CASZ1: variants seen among roughly 807,000 people sequenced by gnomAD.
CASZ1 encodes the protein castor zinc finger 1.
CASZ1 carries 28 observed loss-of-function variants against 135.2 expected under a neutral mutation model. That is an observed-to-expected ratio of 0.21 (90% CI 0.15 to 0.28). CASZ1 has a LOEUF of 0.28. Ranked by LOEUF, CASZ1 falls within the 10% of genes least tolerant of loss-of-function variation. The pLI is 1.00. For missense variants in CASZ1, 2,161 were observed against 2,453.3 expected (o/e 0.88, Z 2.52); for synonymous variants, 1,068 against 1,073.4 (o/e 0.99, Z 0.10).
chr1:10,789,532 C>G (rs887038816), intron 1 of CASZ1, among the ~76,000 whole-genome samples: 1 of 151,964 alleles, frequency 6.6e-6, no homozygotes, highest in East Asian at 1.9e-4. Context: ...CTGTCTCTCT[C>G]TCTCTCTCTC....
intron 4 of CASZ1, among the ~76,000 whole-genome samples, chr1:10,681,209 T>C (rs1464939854): frequency 6.6e-6 from 1 of 152,090 alleles, no homozygotes; most frequent in African/African-American, 2.4e-5. Flanking sequence ...CCTTTTTTTT[T>C]TTTTCCTTGA....
intron 2 of CASZ1, among the ~76,000 whole-genome samples, chr1:10,745,593 A>C (rs1331510382): frequency 6.6e-6 from 1 of 152,124 alleles, no homozygotes; most frequent in Non-Finnish European, 1.5e-5. Flanking sequence ...TGAAATTCTG[A>C]ATCAATTTAG....
chr1:10,690,537 G>A (rs534198259), intron 4 of CASZ1, among the ~76,000 whole-genome samples: 1 of 152,324 alleles, frequency 6.6e-6, no homozygotes, highest in East Asian at 1.9e-4. Context: ...CTGCGATGGG[G>A]GATCTGCTGG....
At chr1:10,792,383 T>TG (rs1180970816) in intron 1 of CASZ1, among the ~76,000 whole-genome samples, 16 of 84,966 alleles carry the variant, frequency 1.9e-4, no homozygotes, top group South Asian at 8.9e-4. Context: ...GGGGTGGGGT[T>TG]GGGGGGGGTG....
rs1047954181 is a variant in CASZ1, at chr1:10,774,934, G to A, written c.-233-14077C>T. On this transcript the variant is annotated intron_variant, in intron 1 of 20. Transcript: ENST00000377022. The surrounding 1 kb of genome is among the most constrained non-coding windows in gnomAD (Gnocchi z 4.4). ...CCTCCAGTCTCTCTACTCTGGCCCT[G>A]CCAGAATCAACAGTTTAAATCTCTG... 2.6e-5 allele frequency among the ~76,000 whole-genome samples: 4 copies of A among 151,930 alleles called. No homozygotes were observed. Among genetic ancestry groups the A allele is most frequent in the African/African-American group, 9.7e-5 (4 of 41,332 alleles).
chr1:10,654,032 G>T lies in CASZ1; in HGVS notation c.2025C>A (p.Cys675Ter), dbSNP rs369473375. ...GGCTGGTGGAGGTGAAGGTGAAGCC[G>T]CAGCCGGCGCGGATGCAGTGGAAGT... ...TNHFHCIRAG[C>*]GFTFTSTSQM... Residue 675 changes from cysteine to a stop codon, truncating the protein, a stop_gained, in exon 11 of 21, where the codon TGC becomes TGA. Coordinates refer to ENST00000377022, the MANE Select transcript of CASZ1 (RefSeq NM_001079843.3). LOFTEE classifies it high-confidence loss of function. 1.2e-6 allele frequency: 2 copies of T among 1,614,230 alleles called. No individual in the cohort carries two copies. The highest frequency in any genetic ancestry group is 1.3e-5 in the African/African-American group (1 of 75,068).
In CASZ1 at chr1:10,676,584, C is replaced by T. The variant is rs1346582270; in HGVS notation, c.17-11013G>A. Among the ~76,000 whole-genome samples the T allele has an allele frequency of 2.0e-5, 3 of 152,154 alleles. No individual in the cohort carries two copies. Among genetic ancestry groups the T allele is most frequent in the Admixed American group, 6.5e-5 (1 of 15,286 alleles). On this transcript the variant is annotated intron_variant, in intron 4 of 20. Transcript: ENST00000377022. This position sits in a 1 kb window ranked among gnomAD's most constrained non-coding sequence, Gnocchi z 4.5. ...TGCCTCTCCATCTCTCTCTGTGCCTCGGTGGACCAACCTGCCTAGGGGTGC... is the reference window on the plus strand; with the variant it reads ...TGCCTCTCCATCTCTCTCTGTGCCTTGGTGGACCAACCTGCCTAGGGGTGC...
rs1017403433 is a variant in CASZ1, at chr1:10,763,224, G to A, written c.-233-2367C>T. On this transcript the variant is annotated intron_variant, in intron 1 of 20. Coordinates refer to ENST00000377022, the MANE Select transcript of CASZ1 (RefSeq NM_001079843.3). The stretch of plus-strand genomic sequence containing the variant: ...TCAGAAAGTGCAGAGCGCAGAGGCC[G>A]GGTCTCTGTGACCAGCGGCTCCATG... Among the ~76,000 whole-genome samples, 6 of 152,344 alleles carry A rather than the reference G, an allele frequency of 3.9e-5. No individual in the cohort carries two copies. In the East Asian group the frequency reaches 5.8e-4, roughly 15 times the overall value.
In CASZ1 at chr1:10,777,741, A is replaced by G. The variant is rs563805907; in HGVS notation, c.-233-16884T>C. Reference sequence around the variant, plus strand: ...ACACAAAACCACATACCACGTTACAATCACACACAATCCCATACACACCCA... The same window carrying G: ...ACACAAAACCACATACCACGTTACAGTCACACACAATCCCATACACACCCA... On this transcript the variant is annotated intron_variant, in intron 1 of 20. Coordinates refer to ENST00000377022, the MANE Select transcript of CASZ1 (RefSeq NM_001079843.3). This position sits in a 1 kb window ranked among gnomAD's most constrained non-coding sequence, Gnocchi z 4.4. Among the ~76,000 whole-genome samples the G allele has an allele frequency of 6.0e-5, 9 of 151,238 alleles. No individual in the cohort carries two copies. The highest frequency in any genetic ancestry group is 1.7e-4 in the African/African-American group (7 of 41,178).
At chr1:10,760,090 G>A (rs1021608273) in intron 2 of CASZ1, among the ~76,000 whole-genome samples, 15 of 152,184 alleles carry the variant, frequency 9.9e-5, no homozygotes, top group Admixed American at 9.8e-4. Flanking sequence ...CTTACGCAAA[G>A]GGCTATTTCC....
At chr1:10,687,540 G>A (rs972365835) in intron 4 of CASZ1, among the ~76,000 whole-genome samples, 1 of 152,250 alleles carries the variant, frequency 6.6e-6, no homozygotes, top group Admixed American at 6.5e-5. Flanking sequence ...CCCTCAGTAT[G>A]GGTGTATCCC....
rs1204605389 is a variant in CASZ1 at position 10,639,143 on chromosome 1, C to G, written c.5079G>C (p.Glu1693Asp). Reference protein sequence around the residue: ...ELPEEEAEDDEDEDDDEDDDD... With the variant: ...ELPEEEAEDDDDEDDDEDDDD... ...CGTCGTCCTCGTCGTCGTCCTCGTC[C>G]TCGTCGTCTTCGGCCTCCTCCTCCG... The change falls in exon 21 of 21, where the codon GAG (glutamate) becomes GAC (aspartate). Residue 1693 changes from glutamate (E) to aspartate (D), a missense_variant. Physicochemically the swap from Glu to Asp is conservative, Grantham distance 45 (BLOSUM62 2). This residue lies in a region of CASZ1 where 185 missense variants were observed against 134.7 expected (regional missense o/e 1.37). Transcript: ENST00000377022. This position sits in a 1 kb window ranked among gnomAD's most constrained non-coding sequence, Gnocchi z 4.0. 3.1e-5 allele frequency: 35 copies of G among 1,112,284 alleles called. No homozygotes were observed. Among genetic ancestry groups the G allele is most frequent in the South Asian group, 1.0e-4 (4 of 39,224 alleles). 68.9% of individuals were successfully genotyped at this position (1,112,284 alleles called of 1,614,324 possible).
rs555961916 is a variant in CASZ1, at chr1:10,707,258, G to A, written c.-76-1714C>T. Among the ~76,000 whole-genome samples the A allele has an allele frequency of 6.6e-6, 1 of 152,196 alleles. No individual in the cohort carries two copies. Among genetic ancestry groups the A allele is most frequent in the East Asian group, 1.9e-4 (1 of 5,182 alleles). On this transcript the variant is annotated intron_variant, in intron 2 of 20. Coordinates refer to ENST00000377022, the MANE Select transcript of CASZ1 (RefSeq NM_001079843.3). The surrounding 1 kb of genome is among the most constrained non-coding windows in gnomAD (Gnocchi z 5.0). Reference sequence around the variant, plus strand: ...CCCTCCCATCCTCCCTGGCAACTGTGCATTTATTAATTCATGAGGCACTAA... The same window carrying A: ...CCCTCCCATCCTCCCTGGCAACTGTACATTTATTAATTCATGAGGCACTAA...
chr1:10,697,812 C>A lies in CASZ1; in HGVS notation c.-23-3900G>T, dbSNP rs1046412340. Reference sequence around the variant, plus strand: ...CATCTGAGGCGACTGGGCCAGGGCACAGAAGCCTTGGCCAAAGGACTGCGT... The same window carrying A: ...CATCTGAGGCGACTGGGCCAGGGCAAAGAAGCCTTGGCCAAAGGACTGCGT... On this transcript the variant is annotated intron_variant, in intron 3 of 20. Transcript: ENST00000377022. This position sits in a 1 kb window ranked among gnomAD's most constrained non-coding sequence, Gnocchi z 4.7. Among the ~76,000 whole-genome samples, 1 of 152,256 alleles carries A rather than the reference C, an allele frequency of 6.6e-6. No homozygotes were observed. The highest frequency in any genetic ancestry group is 2.4e-5 in the African/African-American group (1 of 41,464).
chr1:10,765,718 T>C (rs1311553556), intron 1 of CASZ1, among the ~76,000 whole-genome samples: 1 of 152,160 alleles, frequency 6.6e-6, no homozygotes, highest in Non-Finnish European at 1.5e-5. Flanking sequence ...GCAGCTCAAG[T>C]GCAGAGGGCT....
At chr1:10,692,279 G>C (rs1253808977) in intron 4 of CASZ1, among the ~76,000 whole-genome samples, 2 of 152,262 alleles carry the variant, frequency 1.3e-5, no homozygotes, top group African/African-American at 2.4e-5. Context: ...CTGCCTTCCA[G>C]CTCTGCAATG....
At chr1:10,775,654 G>A (rs554294880) in intron 1 of CASZ1, among the ~76,000 whole-genome samples, 8 of 152,262 alleles carry the variant, frequency 5.3e-5, no homozygotes, top group South Asian at 2.1e-4. Context: ...GTGAACGGGA[G>A]CAGAGCAGTT....
At chr1:10,770,523 G>A (rs1298105849) in intron 1 of CASZ1, among the ~76,000 whole-genome samples, 1 of 152,146 alleles carries the variant, frequency 6.6e-6, no homozygotes, top group Non-Finnish European at 1.5e-5. Flanking sequence ...GTACGGAGGG[G>A]TTGCTGGGGT....
In CASZ1 at chr1:10,719,103, G is replaced by A. The variant is rs1639449056; in HGVS notation, c.-76-13559C>T. Among the ~76,000 whole-genome samples the A allele has an allele frequency of 6.6e-6, 1 of 152,018 alleles. No homozygotes were observed. Among genetic ancestry groups the A allele is most frequent in the Non-Finnish European group, 1.5e-5 (1 of 67,984 alleles). The stretch of plus-strand genomic sequence containing the variant: ...AATTTTTTTTTTACTTTTAGTGGAG[G>A]TGGGGTTTCCAACCATGTTGGCCAG... On this transcript the variant is annotated intron_variant, in intron 2 of 20. Coordinates refer to ENST00000377022, the MANE Select transcript of CASZ1 (RefSeq NM_001079843.3). The surrounding 1 kb of genome is among the most constrained non-coding windows in gnomAD (Gnocchi z 4.0).
Sources: allele counts gnomAD v4.1 joint callset (sites outside exome capture counted in the v4.1 genomes callset), GRCh38; gene constraint gnomAD v4.1.1; regional missense constraint gnomAD v4.1.1; non-coding constraint Gnocchi (gnomAD v3.1); transcripts MANE v1.5; gene names NCBI Gene and HGNC (gene_info 2026-07-23, HGNC 2026-07-21).